RHOT1: variants seen among roughly 807,000 people sequenced by gnomAD.
RHOT1 encodes mitochondrial Rho GTPase 1.
RHOT1 carries 27 observed loss-of-function variants against 95.3 expected under a neutral mutation model. The ratio of observed to expected loss-of-function variants is 0.28; its 90% CI spans 0.21 to 0.39. The LOEUF is 0.39. Ranked by LOEUF, RHOT1 falls within the 10% of genes least tolerant of loss-of-function variation. The pLI is 1.00. For missense variants in RHOT1, 578 were observed against 786.7 expected (o/e 0.73, Z 3.17); for synonymous variants, 227 against 263.5 (o/e 0.86, Z 1.34).
At chr17:32,194,864 T>C (rs1372851343) in intron 11 of RHOT1, among the ~76,000 whole-genome samples, 1 of 149,420 alleles carries the variant, frequency 6.7e-6, no homozygotes, top group Non-Finnish European at 1.5e-5. Flanking sequence ...AGTCTCGCTC[T>C]GTCACCCAGG....
intron 16 of RHOT1, among the ~76,000 whole-genome samples, chr17:32,205,406 A>G (rs180684750): frequency 1.1e-3 from 172 of 152,220 alleles, no homozygotes; most frequent in Non-Finnish European, 2.0e-3. Flanking sequence ...TTCCTGTACT[A>G]TTGACTAGAA....
At chr17:32,183,612 CAAAT>C (rs1176242982) in intron 8 of RHOT1, among the ~76,000 whole-genome samples, 1 of 152,186 alleles carries the variant, frequency 6.6e-6, no homozygotes, top group Non-Finnish European at 1.5e-5. Flanking sequence ...AAAACACACA[CAAAT>C]AAAAACATTA....
chr17:32,142,760 G>GTCCCTGCCC (rs1017004976), intron 1 of RHOT1, 31 bp downstream of exon 1: 22 of 1,492,062 alleles, frequency 1.5e-5, no homozygotes, highest in African/African-American at 2.8e-5. Flanking sequence ...CGGCCCCTGA[G>GTCCCTGCCC]TCCCTGCCCT....
rs35875636 is a variant in RHOT1, at chr17:32,201,901, G to GTGTTTGTT, written c.1202-846_1202-839dup. On this transcript the variant is annotated intron_variant, in intron 14 of 19. Coordinates refer to ENST00000545287, the MANE Select transcript of RHOT1 (RefSeq NM_001033566.3). ...TCTTCAGGTATAGCCTAAGGAGGTT[G>GTGTTTGTT]TGTTTGTTTGTTTGTTTGTTTGTTT... Among the ~76,000 whole-genome samples the GTGTTTGTT allele has an allele frequency of 4.0e-5, 6 of 151,208 alleles. No individual in the cohort carries two copies. The East Asian group carries it at 5.9e-4, about 15-fold the overall frequency.
intron 18 of RHOT1, chr17:32,209,514 C>T: frequency 1.1e-6 from 1 of 912,432 alleles, no homozygotes; most frequent in Non-Finnish European, 1.8e-6. Context: ...GACCAAATCT[C>T]CTTTCTTGCC....
intron 1 of RHOT1, chr17:32,151,499 T>C: frequency 1.7e-6 from 1 of 602,222 alleles, no homozygotes; most frequent in South Asian, 1.8e-5. Flanking sequence ...GGCCATTCTG[T>C]TCATCATGGT....
chr17:32,170,922 C>G (rs891631688), intron 1 of RHOT1, 121 bp from the exon 2 acceptor site: 1 of 575,466 alleles, frequency 1.7e-6, no homozygotes, highest in African/African-American at 2.0e-5. Context: ...TATACTAAAA[C>G]TTAATAATTT....
At chr17:32,196,667 C>T (rs1482001494) in intron 11 of RHOT1, among the ~76,000 whole-genome samples, 1 of 152,170 alleles carries the variant, frequency 6.6e-6, no homozygotes, top group Non-Finnish European at 1.5e-5. Flanking sequence ...CCCTCTCGCC[C>T]CCACCTAATT....
At chr17:32,149,655 G>GTT (rs2032004085) in intron 1 of RHOT1, among the ~76,000 whole-genome samples, 1 of 133,186 alleles carries the variant, frequency 7.5e-6, no homozygotes, top group Non-Finnish European at 1.6e-5. Flanking sequence ...GTGTGTGTGT[G>GTT]TGTGTGTATA....
At chr17:32,162,597 G>A (rs964132153) in intron 1 of RHOT1, among the ~76,000 whole-genome samples, 1 of 152,170 alleles carries the variant, frequency 6.6e-6, no homozygotes, top group Non-Finnish European at 1.5e-5. Context: ...GAAAATAACA[G>A]CAGTACCACT....
At chr17:32,167,194 ATCT>A (rs1461598526) in intron 1 of RHOT1, among the ~76,000 whole-genome samples, 3 of 151,928 alleles carry the variant, frequency 2.0e-5, no homozygotes, top group Non-Finnish European at 4.4e-5. Context: ...TTTGAAAGGA[ATCT>A]TTTTTTTTTT....
At chr17:32,218,440 A>C (rs1389838473) in intron 19 of RHOT1, among the ~76,000 whole-genome samples, 1 of 150,258 alleles carries the variant, frequency 6.7e-6, no homozygotes, top group Admixed American at 6.6e-5. Flanking sequence ...CCAGGAGGTC[A>C]AAGCTGTAGT....
At chr17:32,162,510 G>C (rs1193457451) in intron 1 of RHOT1, among the ~76,000 whole-genome samples, 1 of 152,052 alleles carries the variant, frequency 6.6e-6, no homozygotes, top group Non-Finnish European at 1.5e-5. Flanking sequence ...CAGTTCTCCG[G>C]TTGCTGTTAA....
intron 1 of RHOT1, among the ~76,000 whole-genome samples, chr17:32,164,859 C>T (rs1394015071): frequency 6.6e-6 from 1 of 151,430 alleles, no homozygotes; most frequent in Non-Finnish European, 1.5e-5. Flanking sequence ...GAGTGATACC[C>T]TGTCTCAAAA....
intron 11 of RHOT1, among the ~76,000 whole-genome samples, chr17:32,197,427 T>TC (rs2036976548): frequency 6.8e-6 from 1 of 147,578 alleles, no homozygotes; most frequent in Admixed American, 6.6e-5. Flanking sequence ...CTTATTTTTT[T>TC]ATTTTTTTAT....
chr17:32,219,338 G>T (rs2038682174), intron 19 of RHOT1, among the ~76,000 whole-genome samples: 1 of 152,098 alleles, frequency 6.6e-6, no homozygotes, highest in Admixed American at 6.5e-5. Context: ...ATGTTGCCCA[G>T]GCTGGTCTTG....
At chr17:32,155,917 A>G (rs765041125) in intron 1 of RHOT1, among the ~76,000 whole-genome samples, 10 of 152,120 alleles carry the variant, frequency 6.6e-5, no homozygotes, top group Admixed American at 1.3e-4. Context: ...GTGAAGGAGC[A>G]TCTGTGTTTT....
intron 1 of RHOT1, chr17:32,151,242 G>A: frequency 1.4e-6 from 1 of 721,164 alleles, no homozygotes; most frequent in Non-Finnish European, 2.6e-6. Flanking sequence ...TCTTTATACT[G>A]TTGGCGGGTG....
intron 1 of RHOT1, chr17:32,151,117 A>G (rs2032234238): frequency 2.3e-6 from 2 of 878,928 alleles, no homozygotes; most frequent in Admixed American, 3.4e-5. Flanking sequence ...CATCCTCTCC[A>G]ATTTACCATG....
Sources: gnomAD v4.1 joint callset for allele counts (sites outside exome capture counted in the v4.1 genomes callset) on GRCh38, gnomAD v4.1.1 for gene constraint, MANE v1.5 for transcripts, NCBI Gene and HGNC (gene_info 2026-07-23, HGNC 2026-07-21) for gene names.